The following DMD variants were observed in gnomAD, a reference collection of about 807,000 sequenced individuals.
DMD encodes the protein mutant dystrophin.
A neutral mutation model predicts 330.1 loss-of-function variants in DMD; 63 were observed. The ratio of observed to expected loss-of-function variants is 0.19; its 90% CI spans 0.16 to 0.24. The LOEUF (loss-of-function observed/expected upper bound fraction) is 0.24. Ranked by LOEUF, DMD falls within the 10% of genes least tolerant of loss-of-function variation. The probability of loss-of-function intolerance (pLI) is 1.00; values close to 1 mark genes in which losing one functional copy is unlikely to be tolerated. For missense variants in DMD, 3,344 were observed against 2,684.1 expected (o/e 1.25, Z -5.43); for synonymous variants, 1,223 against 959.8 (o/e 1.27, Z -5.07).
intron 44 of DMD, among the ~76,000 whole-genome samples, chrX:32,213,700 C>A (rs1002697159): frequency 8.9e-6 from 1 of 111,925 alleles, no homozygotes; most frequent in Admixed American, 9.5e-5. Context: ...GTTGGCCAGG[C>A]ATGGTGGCTC....
intron 43 of DMD, among the ~76,000 whole-genome samples, chrX:32,287,253 C>A (rs1036380987): frequency 9.0e-6 from 1 of 111,522 alleles, no homozygotes; most frequent in Admixed American, 9.5e-5. Flanking sequence ...GTTTATAGCA[C>A]CTCAATGCCC....
chrX:32,339,550 G>C (rs1228707083), intron 41 of DMD, among the ~76,000 whole-genome samples: 2 of 111,152 alleles, frequency 1.8e-5, no homozygotes, highest in Non-Finnish European at 3.8e-5. Context: ...TGTGTGGCTG[G>C]GCGCTGCCTC....
chrX:32,644,460 C>A lies in DMD; in HGVS notation c.1150-147G>T, dbSNP rs1031335802. 3.9e-5 allele frequency: 25 copies of A among 634,659 alleles called. No homozygotes were observed. In the African/African-American group the frequency reaches 5.7e-4, roughly 14 times the overall value. 52.3% of individuals were successfully genotyped at this position (634,659 alleles called of 1,213,427 possible). On this transcript the variant is annotated intron_variant, in intron 10 of 78. Coordinates refer to ENST00000357033, the MANE Select transcript of DMD (RefSeq NM_004006.3). ...GAATTTAATTTGTATTTGCAGAATC[C>A]CAAAACCACTTTTAATATGAATTAA...
In DMD at chrX:31,289,283, T is replaced by C. The variant is rs1426553259; in HGVS notation, c.9225-28267A>G. Among the ~76,000 whole-genome samples, 27 of 64,037 alleles carry C rather than the reference T, an allele frequency of 4.2e-4. 2 individuals are homozygous for C. Among genetic ancestry groups the C allele is most frequent in the African/African-American group, 1.3e-3 (14 of 11,188 alleles). 55.6% of individuals were successfully genotyped at this position (64,037 alleles called of 115,157 possible). ...AAAAAAAATAAAAAATAAAATAAAA[T>C]CCATCTCAAAAAAAAAAAAATCAAA... On this transcript the variant is annotated intron_variant, in intron 62 of 78. Coordinates refer to ENST00000357033, the MANE Select transcript of DMD (RefSeq NM_004006.3).
intron 61 of DMD, among the ~76,000 whole-genome samples, chrX:31,346,581 T>C (rs1026782612): frequency 9.0e-6 from 1 of 111,460 alleles, no homozygotes; most frequent in Non-Finnish European, 1.9e-5. Context: ...TAATATGCAA[T>C]ATTGTATAAA....
At chrX:32,412,750 C>A (rs2098148496) in intron 29 of DMD, among the ~76,000 whole-genome samples, 1 of 111,362 alleles carries the variant, frequency 9.0e-6, no homozygotes, top group Non-Finnish European at 1.9e-5. Flanking sequence ...AAATACATTT[C>A]CTTAATATAC....
chrX:31,982,302 T>A (rs1175071780), intron 44 of DMD, among the ~76,000 whole-genome samples: 1 of 111,664 alleles, frequency 9.0e-6, no homozygotes, highest in Non-Finnish European at 1.9e-5. Flanking sequence ...CTGAAAAAGT[T>A]TGAGGTCCTC....
chrX:32,265,186 T>C (rs1212733297), intron 43 of DMD, among the ~76,000 whole-genome samples: 7 of 111,717 alleles, frequency 6.3e-5, no homozygotes, highest in African/African-American at 2.0e-4. Flanking sequence ...CCCCCTGCTA[T>C]GTGCAGCCTA....
At chrX:31,693,906 T>TA (rs1271786570) in intron 52 of DMD, among the ~76,000 whole-genome samples, 5 of 111,704 alleles carry the variant, frequency 4.5e-5, no homozygotes, top group Admixed American at 9.5e-5. Context: ...GAATTTTTTT[T>TA]AAAAAATCCT....
At chrX:31,234,677 C>G (rs16989468) in intron 63 of DMD, among the ~76,000 whole-genome samples, 6,178 of 111,781 alleles carry the variant, frequency 0.055, 155 homozygotes, top group East Asian at 0.12. Context: ...GTACACGTAT[C>G]CCAGGTATTT....
chrX:32,984,846 G>C (rs751756565), intron 2 of DMD, among the ~76,000 whole-genome samples: 2 of 111,371 alleles, frequency 1.8e-5, no homozygotes, highest in Non-Finnish European at 3.8e-5. Flanking sequence ...CTTACATAGT[G>C]TACTGCTTGT....
At chrX:32,460,099 AT>A (rs1426417839) in intron 25 of DMD, among the ~76,000 whole-genome samples, 9 of 108,257 alleles carry the variant, frequency 8.3e-5, no homozygotes, top group African/African-American at 3.2e-4. Context: ...GAAGAAAAAA[AT>A]GGCCAATTAA....
Position 31,958,096 on chromosome X carries a change from GTT to G in DMD, c.6614+10241_6614+10242del, listed in dbSNP as rs745655022. Among the ~76,000 whole-genome samples the G allele has an allele frequency of 5.4e-3, 406 of 74,542 alleles. 2 individuals are homozygous for G. Among genetic ancestry groups the G allele is most frequent in the African/African-American group, 0.011 (210 of 19,248 alleles). The allele number at this position is 74,542 out of a possible 115,157, so 64.7% of individuals were successfully genotyped here. A position where few individuals can be genotyped will look rare whatever the true frequency, so the allele number is the denominator to read the frequency against. ...ATAAATGCAGAATGCCATTTGGCCT[GTT>G]TTTTTTTTTTTTTTTTTTTTTTAAA... is the stretch of plus-strand genomic sequence containing the variant. On this transcript the variant is annotated intron_variant, in intron 45 of 78. Transcript: ENST00000357033.
rs17341052 is a variant in DMD at position 32,743,517 on chromosome X, C to G, written c.650-44224G>C. Among the ~76,000 whole-genome samples, 911 of 110,811 alleles carry G rather than the reference C, an allele frequency of 8.2e-3. 22 individuals are homozygous for G. The East Asian group carries it at 0.12, about 15-fold the overall frequency. On this transcript the variant is annotated intron_variant, in intron 7 of 78. Coordinates refer to ENST00000357033, the MANE Select transcript of DMD (RefSeq NM_004006.3). ...AGCCAAAATCAAAAAAGAAAGGACC[C>G]TTATTTGTACTCTTTCTGGTTAGGA... is the stretch of plus-strand genomic sequence containing the variant.
intron 4 of DMD, among the ~76,000 whole-genome samples, chrX:32,833,495 G>A (rs1048167476): frequency 9.1e-6 from 1 of 109,920 alleles, no homozygotes; most frequent in Non-Finnish European, 1.9e-5. Context: ...AGAGGGCATT[G>A]CCTGAGTAAA....
intron 71 of DMD, among the ~76,000 whole-genome samples, chrX:31,177,177 C>G (rs2040596319): frequency 9.0e-6 from 1 of 110,707 alleles, no homozygotes; most frequent in South Asian, 3.8e-4. Flanking sequence ...TCACAGGCCC[C>G]AAAAAAGAGT....
intron 61 of DMD, among the ~76,000 whole-genome samples, chrX:31,344,037 C>A (rs866075681): frequency 1.2e-5 from 1 of 83,213 alleles, no homozygotes; most frequent in African/African-American, 4.5e-5. Flanking sequence ...GATTGGAGTG[C>A]GGGGGGGGGT....
chrX:31,753,354 C>G (rs955686969), intron 51 of DMD, among the ~76,000 whole-genome samples: 50 of 111,782 alleles, frequency 4.5e-4, no homozygotes, highest in African/African-American at 8.8e-4. Context: ...ACAAACAAAG[C>G]AGGCAGAAGG....
intron 65 of DMD, among the ~76,000 whole-genome samples, chrX:31,207,111 G>T (rs781624066): frequency 1.8e-5 from 2 of 111,595 alleles, no homozygotes; most frequent in African/African-American, 6.5e-5. Context: ...GCAACTAACT[G>T]CTCAGCCCTC....
Sources: allele counts gnomAD v4.1 joint callset (sites outside exome capture counted in the v4.1 genomes callset), GRCh38; gene constraint gnomAD v4.1.1; transcripts MANE v1.5; gene names NCBI Gene and HGNC (gene_info 2026-07-23, HGNC 2026-07-21).